The following PTPRT variants were observed in gnomAD, a reference collection of about 807,000 sequenced individuals.
PTPRT encodes the protein receptor-type tyrosine-protein phosphatase T.
A neutral mutation model predicts 176.8 loss-of-function variants in PTPRT; 56 were observed. The observed-to-expected ratio is 0.32, with a 90% CI of 0.26 to 0.40. The LOEUF is 0.40. Among genes scored for constraint, PTPRT ranks in the 10% least tolerant of loss-of-function variants. The pLI is 1.00. For synonymous variants in PTPRT, 783 were observed against 739.0 expected (o/e 1.06, Z -0.96); for missense variants, 1,540 against 1,908.2 (o/e 0.81, Z 3.60).
At chr20:42,756,727 C>G (rs1016615591) in intron 5 of PTPRT, 91 bp from the exon 6 acceptor site, 53 of 1,159,586 alleles carry the variant, frequency 4.6e-5, no homozygotes, top group Non-Finnish European at 6.0e-5. Context: ...CATCCTCACA[C>G]CCCTGGGGCT....
chr20:42,779,965 GGA>G (rs1255191414), intron 4 of PTPRT, among the ~76,000 whole-genome samples: 22 of 151,968 alleles, frequency 1.4e-4, no homozygotes, highest in Admixed American at 4.6e-4. Flanking sequence ...CCTTAATAAT[GGA>G]GAGAGATTCA....
At chr20:43,163,369 T>G (rs2014755052) in intron 1 of PTPRT, among the ~76,000 whole-genome samples, 1 of 152,090 alleles carries the variant, frequency 6.6e-6, no homozygotes, top group Admixed American at 6.5e-5. Flanking sequence ...CCAGGCGCGG[T>G]GGCTCGTGAC....
At chr20:42,283,770 C>T (rs571714969) in intron 12 of PTPRT, among the ~76,000 whole-genome samples, 2 of 152,134 alleles carry the variant, frequency 1.3e-5, no homozygotes, top group Non-Finnish European at 2.9e-5. Flanking sequence ...CATGGCCATG[C>T]CTAATTTTAG....
chr20:42,554,741 G>A (rs2072830595), intron 7 of PTPRT, among the ~76,000 whole-genome samples: 1 of 152,124 alleles, frequency 6.6e-6, no homozygotes, highest in African/African-American at 2.4e-5. Flanking sequence ...TCAATTGGAT[G>A]CTTATTGGAC....
At chr20:42,372,503 T>C (rs1156821219) in intron 9 of PTPRT, among the ~76,000 whole-genome samples, 2 of 152,068 alleles carry the variant, frequency 1.3e-5, no homozygotes, top group Non-Finnish European at 2.9e-5. Flanking sequence ...CAGGCTGGTC[T>C]TGAACTTCTG....
intron 1 of PTPRT, among the ~76,000 whole-genome samples, chr20:43,141,384 T>C (rs1181398444): frequency 2.0e-5 from 3 of 152,194 alleles, no homozygotes; most frequent in Non-Finnish European, 4.4e-5. Flanking sequence ...TAGGGATGGC[T>C]GGTTATCAGC....
At chr20:42,814,544 C>T (rs1224052855) in intron 2 of PTPRT, among the ~76,000 whole-genome samples, 1 of 152,158 alleles carries the variant, frequency 6.6e-6, no homozygotes, top group Non-Finnish European at 1.5e-5. Flanking sequence ...CAGTAATGAA[C>T]TTAGTTATCT....
intron 16 of PTPRT, among the ~76,000 whole-genome samples, chr20:42,181,256 C>A (rs548638538): frequency 3.3e-4 from 50 of 152,186 alleles, no homozygotes; most frequent in African/African-American, 1.2e-3. Flanking sequence ...AGGCTAGAAG[C>A]CTAGAGCCCT....
intron 7 of PTPRT, among the ~76,000 whole-genome samples, chr20:42,616,598 T>C (rs2074083922): frequency 2.6e-5 from 3 of 113,962 alleles, no homozygotes. Context: ...TTTGTTTGTA[T>C]CCTCTTTTAT....
At chr20:42,291,049 G>A (rs183343444) in intron 12 of PTPRT, among the ~76,000 whole-genome samples, 2 of 152,214 alleles carry the variant, frequency 1.3e-5, no homozygotes, top group Admixed American at 6.5e-5. Context: ...CCCAACTTGT[G>A]TCTTTATTTT....
At chr20:43,061,317 T>C (rs1987451980) in intron 1 of PTPRT, among the ~76,000 whole-genome samples, 1 of 152,188 alleles carries the variant, frequency 6.6e-6, no homozygotes, top group African/African-American at 2.4e-5. Flanking sequence ...TGAATCCTGG[T>C]CCCTGATACT....
chr20:42,156,782 A>G lies in PTPRT; in HGVS notation c.2682+4570T>C, dbSNP rs568312796. ...ATCTTTTAAATATATTCAGAATCCAACCACATCTCACCACCTCCTCTGCCA... is the reference window on the plus strand; with the variant it reads ...ATCTTTTAAATATATTCAGAATCCAGCCACATCTCACCACCTCCTCTGCCA... On this transcript the variant is annotated intron_variant, in intron 17 of 30. Transcript: ENST00000373187. 1.2e-4 allele frequency among the ~76,000 whole-genome samples: 19 copies of G among 152,152 alleles called. 1 individual carries two copies. Among genetic ancestry groups the G allele is most frequent in the South Asian group, 4.2e-4 (2 of 4,814 alleles).
chr20:42,924,551 G>T (rs1322565096), intron 1 of PTPRT, among the ~76,000 whole-genome samples: 1 of 152,200 alleles, frequency 6.6e-6, no homozygotes, highest in Non-Finnish European at 1.5e-5. Flanking sequence ...CTCTATCTCT[G>T]CCATGATGGC....
At chr20:42,808,017 C>T (rs1038000952) in intron 2 of PTPRT, among the ~76,000 whole-genome samples, 2 of 152,190 alleles carry the variant, frequency 1.3e-5, no homozygotes, top group Non-Finnish European at 2.9e-5. Flanking sequence ...GTGTCAGCTG[C>T]AGAGTGTACT....
At chr20:42,804,026 C>T (rs1237622321) in intron 2 of PTPRT, among the ~76,000 whole-genome samples, 1 of 152,118 alleles carries the variant, frequency 6.6e-6, no homozygotes, top group Non-Finnish European at 1.5e-5. Flanking sequence ...AAATGGACAC[C>T]AGGAGATAAT....
chr20:42,265,184 G>T (rs2056818408), intron 13 of PTPRT, among the ~76,000 whole-genome samples: 1 of 152,182 alleles, frequency 6.6e-6, no homozygotes, highest in South Asian at 2.1e-4. Context: ...TTCTGAGACT[G>T]TCCTGAACCA....
At chr20:42,224,508 G>A (rs901064780) in intron 15 of PTPRT, among the ~76,000 whole-genome samples, 3 of 152,170 alleles carry the variant, frequency 2.0e-5, no homozygotes, top group Non-Finnish European at 4.4e-5. Flanking sequence ...ATGATTGTAT[G>A]GGACCAAATT....
At chr20:43,139,694 G>C (rs2013942756) in intron 1 of PTPRT, among the ~76,000 whole-genome samples, 1 of 152,296 alleles carries the variant, frequency 6.6e-6, no homozygotes, top group East Asian at 1.9e-4. Context: ...CAAGTGTAAA[G>C]TATCTAAGGT....
chr20:42,694,934 C>T (rs550934089), intron 6 of PTPRT, among the ~76,000 whole-genome samples: 31 of 152,308 alleles, frequency 2.0e-4, no homozygotes, highest in Admixed American at 9.2e-4. Context: ...TCCAAGCTCA[C>T]AGAGCTCCTG....
Sources: gnomAD v4.1 joint callset for allele counts (sites outside exome capture counted in the v4.1 genomes callset) on GRCh38, gnomAD v4.1.1 for gene constraint, MANE v1.5 for transcripts, NCBI Gene and HGNC (gene_info 2026-07-23, HGNC 2026-07-21) for gene names.